VIPAS39: variants seen among roughly 807,000 people sequenced by gnomAD.
The protein encoded by VIPAS39 is spermatogenesis-defective protein 39 homolog.
Under a neutral mutation model 84.7 loss-of-function variants are expected in VIPAS39, and 63 were observed. The observed-to-expected ratio is 0.74, with a 90% CI of 0.61 to 0.92. VIPAS39 has a LOEUF of 0.92. Among genes scored for constraint, VIPAS39 ranks in the 40% least tolerant of loss-of-function variants. VIPAS39 has a pLI of 0.00. For synonymous variants in VIPAS39, 192 were observed against 216.5 expected, an observed-to-expected ratio of 0.89 and a Z score of 0.99; for missense variants, 499 against 604.5, an observed-to-expected ratio of 0.83 and a Z score of 1.83.
intron 11 of VIPAS39, among the ~76,000 whole-genome samples, chr14:77,438,968 C>A (rs1311963900): frequency 6.6e-6 from 1 of 152,156 alleles, no homozygotes; most frequent in African/African-American, 2.4e-5. Flanking sequence ...TAAAATAGTT[C>A]ATATAAAATA....
chr14:77,453,150 T>C, intron 3 of VIPAS39, 149 bp downstream of exon 3: 4 of 862,888 alleles, frequency 4.6e-6, no homozygotes, highest in South Asian at 1.3e-5. Context: ...TATCTTCTCC[T>C]GGAGTTAAGT....
At chr14:77,453,870 T>G in intron 2 of VIPAS39, 140 bp downstream of exon 2, 1 of 799,212 alleles carries the variant, frequency 1.3e-6, no homozygotes, top group South Asian at 1.5e-5. Context: ...GGCAGTGAGC[T>G]GGATTTTACA....
At position 77,455,481 on chromosome 14, in the gene VIPAS39, C is replaced by G. The variant is rs1594931643; in HGVS notation, c.1-1379G>C. 2.0e-5 allele frequency among the ~76,000 whole-genome samples: 3 copies of G among 152,040 alleles called. No individual in the cohort carries two copies. The East Asian group carries it at 5.8e-4, about 29-fold the overall frequency. ...GCCTGGGTGACACAGTGAGACCCTC[C>G]CTATCTCCAAATAAGGAAACAGAAT... On this transcript the variant is annotated intron_variant, in intron 1 of 19. Coordinates refer to ENST00000557658, the MANE Select transcript of VIPAS39 (RefSeq NM_001193315.2).
intron 1 of VIPAS39, among the ~76,000 whole-genome samples, chr14:77,454,798 CTT>C (rs1165082221): frequency 6.6e-6 from 1 of 151,418 alleles, no homozygotes; most frequent in African/African-American, 2.4e-5. Flanking sequence ...TATCAAAAAA[CTT>C]TGCTGAATAC....
chr14:77,436,028 T>C, intron 12 of VIPAS39, 109 bp from the exon 13 acceptor site: 2 of 1,057,284 alleles, frequency 1.9e-6, no homozygotes, highest in Non-Finnish European at 2.9e-6. Context: ...GCCTCACAAG[T>C]CTGATCTCAG....
At chr14:77,448,717 T>C (rs1162833392) in intron 6 of VIPAS39, among the ~76,000 whole-genome samples, 167 bp from the exon 7 acceptor site, 2 of 152,156 alleles carry the variant, frequency 1.3e-5, no homozygotes, top group South Asian at 2.1e-4. Context: ...TTTGAGTTTC[T>C]GAAGGAACTA....
chr14:77,447,201 T>C (rs2078805017), intron 7 of VIPAS39, among the ~76,000 whole-genome samples: 1 of 152,076 alleles, frequency 6.6e-6, no homozygotes, highest in Non-Finnish European at 1.5e-5. Flanking sequence ...AATTTTGTAT[T>C]TTTAGTAGAG....
At chr14:77,428,096 T>C (rs112257152) in intron 19 of VIPAS39, among the ~76,000 whole-genome samples, 2 of 152,208 alleles carry the variant, frequency 1.3e-5, no homozygotes, top group African/African-American at 4.8e-5. Context: ...TTTCAATATT[T>C]AGTTTCTCCT....
intron 7 of VIPAS39, among the ~76,000 whole-genome samples, chr14:77,444,589 T>C (rs1173818936): frequency 6.6e-6 from 1 of 152,210 alleles, no homozygotes; most frequent in African/African-American, 2.4e-5. Flanking sequence ...CTTGTTCTTT[T>C]TGAGACGGAG....
At chr14:77,444,595 C>T (rs928116242) in intron 7 of VIPAS39, among the ~76,000 whole-genome samples, 126 of 152,134 alleles carry the variant, frequency 8.3e-4, no homozygotes, top group African/African-American at 2.9e-3. Flanking sequence ...CTTTTTGAGA[C>T]GGAGTCTTGC....
chr14:77,429,603 C>T, intron 17 of VIPAS39, 78 bp downstream of exon 17: 1 of 1,428,656 alleles, frequency 7.0e-7, no homozygotes, highest in South Asian at 1.1e-5. Context: ...GATCGGGTCT[C>T]CCATCACTGA....
At chr14:77,445,810 A>T (rs12891177) in intron 7 of VIPAS39, among the ~76,000 whole-genome samples, 23,817 of 151,860 alleles carry the variant, frequency 0.16, 2,241 homozygotes, top group Middle Eastern at 0.28. Context: ...ATGGTGGCAC[A>T]CACCTGTTAA....
At chr14:77,453,885 T>A (rs2139899204) in intron 2 of VIPAS39, 125 bp downstream of exon 2, 2 of 865,142 alleles carry the variant, frequency 2.3e-6, no homozygotes, top group South Asian at 2.8e-5. Context: ...TTTACAATCC[T>A]TCTGGCTCTT....
rs1386552848 is a variant in VIPAS39 at position 77,437,700 on chromosome 14, C to G, written c.836+108G>C. On this transcript the variant is annotated intron_variant, in intron 12 of 19. Transcript: ENST00000557658. ...GACCCTGAATGATGCTGGTATGATT[C>G]ATTGTTAGCCCTCCCCTTCCTGCCT... is the stretch of plus-strand genomic sequence containing the variant. The G allele has an allele frequency of 1.3e-5, 15 of 1,160,468 alleles. No individual in the cohort carries two copies. The Admixed American group carries it at 1.6e-4, about 12-fold the overall frequency. The allele number at this position is 1,160,468 out of a possible 1,614,324, so 71.9% of individuals were successfully genotyped here. A position where few individuals can be genotyped will look rare whatever the true frequency, so the allele number is the denominator to read the frequency against.
chr14:77,449,164 A>C, intron 6 of VIPAS39, 129 bp downstream of exon 6: 3 of 1,054,966 alleles, frequency 2.8e-6, no homozygotes, highest in Non-Finnish European at 4.4e-6. Context: ...TTAGAAACCC[A>C]GTTTTCTAAT....
At chr14:77,449,391 A>G (rs111373886) in intron 5 of VIPAS39, 34 bp from the exon 6 acceptor site, 7 of 1,611,424 alleles carry the variant, frequency 4.3e-6, no homozygotes, top group African/African-American at 1.3e-5. Flanking sequence ...TCAGAAGGGC[A>G]CCATGAATCC....
intron 1 of VIPAS39, chr14:77,457,010 C>G: frequency 1.6e-6 from 2 of 1,222,832 alleles, no homozygotes; most frequent in African/African-American, 3.1e-5. Flanking sequence ...CAGGGGAGAA[C>G]AGGAACTTTA....
At chr14:77,444,734 G>A (rs1025260469) in intron 7 of VIPAS39, among the ~76,000 whole-genome samples, 4 of 151,718 alleles carry the variant, frequency 2.6e-5, no homozygotes, top group Non-Finnish European at 2.9e-5. Context: ...CACCATGCCC[G>A]GCTAATTTTT....
At chr14:77,428,737 G>A (rs2078470749) in intron 18 of VIPAS39, among the ~76,000 whole-genome samples, 1 of 152,184 alleles carries the variant, frequency 6.6e-6, no homozygotes, top group South Asian at 2.1e-4. Flanking sequence ...CTCCATGTTG[G>A]AGAGAAGACT....
Sources: gnomAD v4.1 joint callset for allele counts (sites outside exome capture counted in the v4.1 genomes callset) on GRCh38, gnomAD v4.1.1 for gene constraint, MANE v1.5 for transcripts, NCBI Gene and HGNC (gene_info 2026-07-23, HGNC 2026-07-21) for gene names.